PTGES: variants seen among roughly 807,000 people sequenced by gnomAD.
PTGES encodes the protein MGST1-like 1.
A neutral mutation model predicts 11.8 loss-of-function variants in PTGES; 3 were observed. The ratio of observed to expected loss-of-function variants is 0.25; its 90% CI spans 0.12 to 0.66. The LOEUF is 0.66. Among genes scored for constraint, PTGES ranks in the 30% least tolerant of loss-of-function variants. The pLI is 0.82. For synonymous variants in PTGES, 94 were observed against 90.4 expected (o/e 1.04, Z -0.22); for missense variants, 180 against 213.0 (o/e 0.85, Z 0.96).
chr9:129,746,692 G>A (rs73670202), intron 2 of PTGES, among the ~76,000 whole-genome samples: 523 of 152,254 alleles, frequency 3.4e-3, no homozygotes, highest in African/African-American at 0.012. Context: ...AGACCCATGA[G>A]ACAGTTTGTC....
At chr9:129,748,473 G>A (rs1023421159) in intron 2 of PTGES, among the ~76,000 whole-genome samples, 182 bp downstream of exon 2, 2 of 152,152 alleles carry the variant, frequency 1.3e-5, no homozygotes, top group African/African-American at 2.4e-5. Context: ...TCATGACCAC[G>A]TCTTACTTTT....
At chr9:129,752,789 C>A in intron 1 of PTGES, 98 bp downstream of exon 1, 1 of 1,588,330 alleles carries the variant, frequency 6.3e-7, no homozygotes, top group Non-Finnish European at 8.6e-7. Flanking sequence ...CAGCCCTGCA[C>A]ACACCTTGGC....
chr9:129,739,486 C>T lies in PTGES; in HGVS notation c.*125G>A. The T allele has an allele frequency of 7.3e-7, 1 of 1,367,030 alleles. No homozygotes were observed. The highest frequency in any genetic ancestry group is 9.7e-7 in the Non-Finnish European group (1 of 1,027,872). The allele number at this position is 1,367,030 out of a possible 1,614,324, so 84.7% of individuals were successfully genotyped here. A position where few individuals can be genotyped will look rare whatever the true frequency, so the allele number is the denominator to read the frequency against. ...CACTGTGCCCAGAGACCCACACGCG[C>T]AGCAGGCTGCCAGGAAACCAGGACT... On this transcript the variant is annotated 3_prime_UTR_variant, in exon 3 of 3. Coordinates refer to ENST00000340607, the MANE Select transcript of PTGES (RefSeq NM_004878.5). This position sits in a 1 kb window ranked among gnomAD's most constrained non-coding sequence, Gnocchi z 5.7.
chr9:129,741,677 G>A (rs1033266694), intron 2 of PTGES, among the ~76,000 whole-genome samples: 16 of 151,850 alleles, frequency 1.1e-4, no homozygotes, highest in African/African-American at 3.6e-4. Context: ...AGGCCAAGGC[G>A]GGCGGATTAC....
rs1833043121 is a variant in PTGES at position 129,745,762 on chromosome 9, G to A, written c.209+2893C>T. Among the ~76,000 whole-genome samples, 1 of 152,200 alleles carries A rather than the reference G, an allele frequency of 6.6e-6. No individual in the cohort carries two copies. The highest frequency in any genetic ancestry group is 2.1e-4 in the South Asian group (1 of 4,838). On this transcript the variant is annotated intron_variant, in intron 2 of 2. Coordinates refer to ENST00000340607, the MANE Select transcript of PTGES (RefSeq NM_004878.5). The surrounding 1 kb of genome is among the most constrained non-coding windows in gnomAD (Gnocchi z 4.2). ...GGGTTATTTTGGGCTGGGCGCAATGGCTCACGCCTGTAATCCCAGCACTTT... is the reference window on the plus strand; with the variant it reads ...GGGTTATTTTGGGCTGGGCGCAATGACTCACGCCTGTAATCCCAGCACTTT...
At chr9:129,743,917 C>T (rs1457346448) in intron 2 of PTGES, among the ~76,000 whole-genome samples, 7 of 152,078 alleles carry the variant, frequency 4.6e-5, no homozygotes, top group African/African-American at 1.7e-4. Flanking sequence ...GGCGTGATCT[C>T]GGCTCACTGC....
rs1429099367 is a variant in PTGES, at chr9:129,739,743, G to T, written c.327C>A (p.Gly109=). The part of the protein sequence containing the change: ...AWMHFLVFLV[G]RVAHTVAYLG... ...GGTAGGCCACGGTGTGTGCCACACG[G>T]CCCACGAGGAAGACCAGGAAGTGCA... Residue 109 remains glycine, a synonymous_variant, in exon 3 of 3, where the codon GGC becomes GGA. Coordinates refer to ENST00000340607, the MANE Select transcript of PTGES (RefSeq NM_004878.5). The surrounding 1 kb of genome is among the most constrained non-coding windows in gnomAD (Gnocchi z 5.7). 6.3e-7 allele frequency: 1 copy of T among 1,581,588 alleles called. No homozygotes were observed. Among genetic ancestry groups the T allele is most frequent in the South Asian group, 1.2e-5 (1 of 86,432 alleles).
chr9:129,743,154 G>T (rs1392597736), intron 2 of PTGES, among the ~76,000 whole-genome samples: 1 of 152,188 alleles, frequency 6.6e-6, no homozygotes, highest in Non-Finnish European at 1.5e-5. Flanking sequence ...TCACCAGCGT[G>T]GGAGGAGAGG....
At position 129,750,362 on chromosome 9, in the gene PTGES, C is replaced by T. The variant is rs187046798; in HGVS notation, c.127-1625G>A. ...CAGAGGAGAATGCAGCTCAGATCTT[C>T]GAGATTGGAACCTTCACACCCAAAA... On this transcript the variant is annotated intron_variant, in intron 1 of 2. Transcript: ENST00000340607. Among the ~76,000 whole-genome samples, 53 of 152,326 alleles carry T rather than the reference C, an allele frequency of 3.5e-4. No homozygotes were observed. In the East Asian group the frequency reaches 9.1e-3, roughly 26 times the overall value.
chr9:129,750,760 C>T (rs980349477), intron 1 of PTGES, among the ~76,000 whole-genome samples: 2 of 152,172 alleles, frequency 1.3e-5, no homozygotes, highest in East Asian at 3.8e-4. Flanking sequence ...GCTGTCACGA[C>T]CCCCGTTTAC....
chr9:129,744,826 G>A (rs1003513842), intron 2 of PTGES, among the ~76,000 whole-genome samples: 8 of 151,332 alleles, frequency 5.3e-5, no homozygotes, highest in African/African-American at 1.2e-4. Context: ...GCAGCAAGCC[G>A]AAACCACGCT....
At position 129,739,544 on chromosome 9, in the gene PTGES, G is replaced by C. The variant is rs561004210; in HGVS notation, c.*67C>G. On this transcript the variant is annotated 3_prime_UTR_variant, in exon 3 of 3. Coordinates refer to ENST00000340607, the MANE Select transcript of PTGES (RefSeq NM_004878.5). This position sits in a 1 kb window ranked among gnomAD's most constrained non-coding sequence, Gnocchi z 5.7. ...CACCACAATCTGGAAGGAACATCAA[G>C]TCCCCAGGTATAGCCACGGCGGCTC... 1 of 1,503,566 alleles carries C rather than the reference G, an allele frequency of 6.7e-7. No homozygotes were observed. Among genetic ancestry groups the C allele is most frequent in the South Asian group, 1.3e-5 (1 of 76,938 alleles). 93.1% of individuals were successfully genotyped at this position (1,503,566 alleles called of 1,614,324 possible).
chr9:129,739,345 C>G lies in PTGES; in HGVS notation c.*266G>C. The G allele has an allele frequency of 2.2e-6, 1 of 456,560 alleles. No individual in the cohort carries two copies. Among genetic ancestry groups the G allele is most frequent in the Non-Finnish European group, 3.9e-6 (1 of 255,760 alleles). 28.3% of individuals were successfully genotyped at this position (456,560 alleles called of 1,614,324 possible). A position where few individuals can be genotyped will look rare whatever the true frequency, so the allele number is the denominator to read the frequency against. On this transcript the variant is annotated 3_prime_UTR_variant, in exon 3 of 3. Coordinates refer to ENST00000340607, the MANE Select transcript of PTGES (RefSeq NM_004878.5). The surrounding 1 kb of genome is among the most constrained non-coding windows in gnomAD (Gnocchi z 5.7). Reference sequence around the variant, plus strand: ...TCTGTTACTTTAGCTGAAGGATTTTCTATCAATCTTCACAATCTGTCTTGA... The same window carrying G: ...TCTGTTACTTTAGCTGAAGGATTTTGTATCAATCTTCACAATCTGTCTTGA...
At chr9:129,751,082 T>C (rs1833101780) in intron 1 of PTGES, among the ~76,000 whole-genome samples, 1 of 152,086 alleles carries the variant, frequency 6.6e-6, no homozygotes, top group Admixed American at 6.6e-5. Context: ...ATCCCAGAAC[T>C]CCAGGAGGCC....
chr9:129,739,542 A>G lies in PTGES; in HGVS notation c.*69T>C. ...CCCACCACAATCTGGAAGGAACATCAAGTCCCCAGGTATAGCCACGGCGGC... is the reference window on the plus strand; with the variant it reads ...CCCACCACAATCTGGAAGGAACATCGAGTCCCCAGGTATAGCCACGGCGGC... On this transcript the variant is annotated 3_prime_UTR_variant, in exon 3 of 3. Coordinates refer to ENST00000340607, the MANE Select transcript of PTGES (RefSeq NM_004878.5). The surrounding 1 kb of genome is among the most constrained non-coding windows in gnomAD (Gnocchi z 5.7). 4.7e-6 allele frequency: 7 copies of G among 1,498,662 alleles called. No homozygotes were observed. Among genetic ancestry groups the G allele is most frequent in the Non-Finnish European group, 5.3e-6 (6 of 1,122,014 alleles). The allele number at this position is 1,498,662 out of a possible 1,614,324, so 92.8% of individuals were successfully genotyped here.
chr9:129,750,325 C>A lies in PTGES; in HGVS notation c.127-1588G>T, dbSNP rs1458885860. On this transcript the variant is annotated intron_variant, in intron 1 of 2. Transcript: ENST00000340607. ...GGTTTGTCCTCCCTGGTGGGCCTGCCCTGCCCTACCCCAGAGGAGAATGCA... is the reference window on the plus strand; with the variant it reads ...GGTTTGTCCTCCCTGGTGGGCCTGCACTGCCCTACCCCAGAGGAGAATGCA... Among the ~76,000 whole-genome samples the A allele has an allele frequency of 2.0e-5, 3 of 152,230 alleles. No homozygotes were observed. The South Asian group carries it at 6.2e-4, about 32-fold the overall frequency.
intron 2 of PTGES, among the ~76,000 whole-genome samples, chr9:129,747,879 G>T (rs185370447): frequency 3.3e-5 from 5 of 151,760 alleles, no homozygotes; most frequent in African/African-American, 1.2e-4. Context: ...GCATGATGGT[G>T]CACGCCTGTA....
In PTGES at chr9:129,739,433, T is replaced by TACAC. The variant is rs367837009; in HGVS notation, c.*174_*177dup. 25 of 828,180 alleles carry TACAC rather than the reference T, an allele frequency of 3.0e-5. No individual in the cohort carries two copies. In the Admixed American group the frequency reaches 4.7e-4, roughly 16 times the overall value. The allele number at this position is 828,180 out of a possible 1,614,324, so 51.3% of individuals were successfully genotyped here. On this transcript the variant is annotated 3_prime_UTR_variant, in exon 3 of 3. Coordinates refer to ENST00000340607, the MANE Select transcript of PTGES (RefSeq NM_004878.5). The surrounding 1 kb of genome is among the most constrained non-coding windows in gnomAD (Gnocchi z 5.7). ...GGGCTAAGAAACATACACACACACA[T>TACAC]ACACACACACGGGCACACACACAGG...
intron 2 of PTGES, among the ~76,000 whole-genome samples, chr9:129,740,996 C>G (rs888939465): frequency 6.6e-6 from 1 of 152,192 alleles, no homozygotes; most frequent in African/African-American, 2.4e-5. Context: ...CTGCAGGGTC[C>G]TCCTCTTCCC....
Sources: gnomAD v4.1 joint callset for allele counts (sites outside exome capture counted in the v4.1 genomes callset) on GRCh38, gnomAD v4.1.1 for gene constraint, Gnocchi (gnomAD v3.1) non-coding constraint, MANE v1.5 for transcripts, NCBI Gene and HGNC (gene_info 2026-07-23, HGNC 2026-07-21) for gene names.